Variants in CSMD2 observed in about 807,000 individuals in gnomAD.
CSMD2 encodes the protein CUB and sushi domain-containing protein 2.
A neutral mutation model predicts 398.5 loss-of-function variants in CSMD2; 130 were observed. The ratio of observed to expected loss-of-function variants is 0.33; its 90% confidence interval spans 0.28 to 0.38. The LOEUF is 0.38. CSMD2 is among the 10% of genes least tolerant of loss of function. CSMD2 has a pLI of 1.00. For missense variants in CSMD2, 3,829 were observed against 4,764.9 expected, an observed-to-expected ratio of 0.80 and a Z score of 5.78; for synonymous variants, 1,828 against 1,908.5, an observed-to-expected ratio of 0.96 and a Z score of 1.10.
chr1:33,563,832 A>G (rs1032314489), intron 53 of CSMD2, among the ~76,000 whole-genome samples: 4 of 152,190 alleles, frequency 2.6e-5, no homozygotes, highest in African/African-American at 9.7e-5. Flanking sequence ...TGAGGAAATG[A>G]AGAGGACAGC....
At chr1:34,129,013 A>C (rs4653390) in intron 1 of CSMD2, among the ~76,000 whole-genome samples, 44,119 of 130,626 alleles carry the variant, frequency 0.34, 7,814 homozygotes, top group Non-Finnish European at 0.43. Flanking sequence ...ACCCCCCCCC[A>C]CACACACACA....
At chr1:33,760,431 T>G (rs1649677062) in intron 13 of CSMD2, among the ~76,000 whole-genome samples, 1 of 152,198 alleles carries the variant, frequency 6.6e-6, no homozygotes, top group East Asian at 1.9e-4. Flanking sequence ...TCCACACTCT[T>G]GGGGCTCAGC....
chr1:33,918,408 A>G, intron 4 of CSMD2, 107 bp from the exon 5 acceptor site: 1 of 905,340 alleles, frequency 1.1e-6, no homozygotes, highest in Non-Finnish European at 1.7e-6. Context: ...CAAGAGTACA[A>G]TTCACAGTTT....
intron 1 of CSMD2, among the ~76,000 whole-genome samples, chr1:34,108,400 C>T (rs1222412979): frequency 6.6e-6 from 1 of 152,144 alleles, no homozygotes; most frequent in African/African-American, 2.4e-5. Flanking sequence ...ACTTATGGCC[C>T]CTGCCCCTCT....
intron 55 of CSMD2, among the ~76,000 whole-genome samples, chr1:33,550,661 C>T (rs1657358867): frequency 6.6e-6 from 1 of 152,222 alleles, no homozygotes; most frequent in Admixed American, 6.5e-5. Context: ...CATGATGTCT[C>T]TGGGCAGGAA....
intron 5 of CSMD2, among the ~76,000 whole-genome samples, chr1:33,900,824 C>T (rs1203377622): frequency 2.0e-5 from 3 of 151,964 alleles, no homozygotes; most frequent in Non-Finnish European, 2.9e-5. Context: ...TGAGACCATG[C>T]ATATAAAAAC....
chr1:33,906,397 G>A (rs1643090564), intron 5 of CSMD2, among the ~76,000 whole-genome samples: 2 of 152,196 alleles, frequency 1.3e-5, no homozygotes, highest in Admixed American at 6.5e-5. Flanking sequence ...GTAGCAGTGA[G>A]GAGGATGAAT....
In CSMD2 at chr1:34,099,848, A is replaced by G. The variant is rs72884210; in HGVS notation, c.188-10655T>C. Among the ~76,000 whole-genome samples the G allele has an allele frequency of 7.1e-3, 1,079 of 152,310 alleles. 21 individuals are homozygous for G. The highest frequency in any genetic ancestry group is 0.024 in the African/African-American group (1,008 of 41,550). On this transcript the variant is annotated intron_variant, in intron 1 of 70. Transcript: ENST00000373381. ...CTGCATCCCTAGTGCCTAGAATTCA[A>G]TAAGTATTTGCTGAATGGATAGATC...
chr1:34,162,156 A>C (rs528489672), intron 1 of CSMD2, among the ~76,000 whole-genome samples: 1 of 89,850 alleles, frequency 1.1e-5, no homozygotes, highest in East Asian at 3.3e-4. Context: ...TGGACAACAA[A>C]AGAGTGAAAC....
chr1:33,881,002 C>T (rs1558046814), intron 5 of CSMD2, among the ~76,000 whole-genome samples: 1 of 152,142 alleles, frequency 6.6e-6, no homozygotes, highest in East Asian at 1.9e-4. Flanking sequence ...TTATGATGCC[C>T]AGGCACTGTG....
intron 3 of CSMD2, among the ~76,000 whole-genome samples, chr1:34,032,121 T>TTA (rs1650524968): frequency 6.6e-6 from 1 of 152,154 alleles, no homozygotes; most frequent in African/African-American, 2.4e-5. Flanking sequence ...AAGCCCCTAA[T>TTA]CCATGCTATT....
intron 24 of CSMD2, among the ~76,000 whole-genome samples, chr1:33,694,067 TAACAAC>T (rs141431949): frequency 2.6e-5 from 4 of 151,560 alleles, no homozygotes; most frequent in African/African-American, 7.3e-5. Flanking sequence ...CTCAAAACAA[TAACAAC>T]AACAACAACA....
At chr1:33,711,309 T>C (rs897762073) in intron 21 of CSMD2, among the ~76,000 whole-genome samples, 6 of 152,178 alleles carry the variant, frequency 3.9e-5, no homozygotes, top group African/African-American at 1.2e-4. Flanking sequence ...ACCTTTCCCC[T>C]CCATCTAGGC....
At chr1:33,762,647 A>G (rs1339704593) in intron 13 of CSMD2, among the ~76,000 whole-genome samples, 1 of 152,194 alleles carries the variant, frequency 6.6e-6, no homozygotes, top group Non-Finnish European at 1.5e-5. Context: ...CTGTGCTACA[A>G]TCTTCCAAGA....
intron 11 of CSMD2, among the ~76,000 whole-genome samples, chr1:33,791,527 C>T (rs1654312874): frequency 6.6e-6 from 1 of 152,038 alleles, no homozygotes; most frequent in Admixed American, 6.6e-5. Context: ...ACTCTGTCAC[C>T]CAGGCTAGAG....
At chr1:33,880,575 C>A (rs1418436161) in intron 5 of CSMD2, among the ~76,000 whole-genome samples, 1 of 152,196 alleles carries the variant, frequency 6.6e-6, no homozygotes, top group East Asian at 1.9e-4. Context: ...TCTTCACTTA[C>A]AGCTCAGTGG....
rs764353361 is a variant in CSMD2 at position 33,540,571 on chromosome 1, G to A, written c.9585C>T (p.Thr3195=). The A allele has an allele frequency of 6.2e-7, 1 of 1,614,180 alleles. No individual in the cohort carries two copies. The highest frequency in any genetic ancestry group is 1.7e-5 in the Admixed American group (1 of 60,022). Residue 3195 remains threonine (T), a synonymous_variant, in exon 60 of 71, where the codon ACC becomes ACT. Coordinates refer to ENST00000373381, the MANE Select transcript of CSMD2 (RefSeq NM_001281956.2). ...CGGTCCAGGACCCATTTCCCTCACA[G>A]GTGAACACCGCGGGCAGGGAGAGCT... ...GYQLSLPAVF[T]CEGNGSWTGE... is the part of the protein sequence containing the mutation.
At chr1:33,605,602 G>T in intron 41 of CSMD2, 132 bp from the exon 42 acceptor site, 1 of 941,160 alleles carries the variant, frequency 1.1e-6, no homozygotes, top group East Asian at 2.6e-5. Context: ...ATTGGCTTTG[G>T]GTAAGTAATT....
At chr1:33,849,699 G>A (rs757168620) in intron 5 of CSMD2, among the ~76,000 whole-genome samples, 1 of 151,732 alleles carries the variant, frequency 6.6e-6, no homozygotes, top group African/African-American at 2.4e-5. Context: ...GAGGCCAAGC[G>A]GGGAGGATTG....
Sources: allele counts gnomAD v4.1 joint callset (sites outside exome capture counted in the v4.1 genomes callset), GRCh38; gene constraint gnomAD v4.1.1; transcripts MANE v1.5; gene names NCBI Gene and HGNC (gene_info 2026-07-23, HGNC 2026-07-21).